Variants in ADAMTSL1 observed in about 807,000 individuals in gnomAD.
ADAMTSL1 encodes the protein ADAMTS-like protein 1.
In ADAMTSL1, 126 loss-of-function variants were observed where a neutral mutation model predicts 201.8. The ratio of observed to expected loss-of-function variants is 0.62; its 90% CI spans 0.54 to 0.72. The LOEUF (loss-of-function observed/expected upper bound fraction) is 0.72. Among genes scored for constraint, ADAMTSL1 ranks in the 30% least tolerant of loss-of-function variants. The pLI is 0.00. For missense variants in ADAMTSL1, 2,679 were observed against 2,277.8 expected (o/e 1.18, Z -3.59); for synonymous variants, 1,121 against 903.4 (o/e 1.24, Z -4.32).
intron 2 of ADAMTSL1, among the ~76,000 whole-genome samples, chr9:18,248,221 G>T (rs1831335526): frequency 6.6e-6 from 1 of 152,154 alleles, no homozygotes. Flanking sequence ...CTGTATGGCA[G>T]TGCAACATGA....
At chr9:18,742,831 A>G (rs1818918187) in intron 15 of ADAMTSL1, among the ~76,000 whole-genome samples, 1 of 152,216 alleles carries the variant, frequency 6.6e-6, no homozygotes, top group South Asian at 2.1e-4. Flanking sequence ...ACAAACTGCA[A>G]TAAAACCCAA....
chr9:18,855,526 T>C (rs775680838), intron 23 of ADAMTSL1, among the ~76,000 whole-genome samples: 1 of 152,132 alleles, frequency 6.6e-6, no homozygotes, highest in Non-Finnish European at 1.5e-5. Flanking sequence ...ATAACAATAA[T>C]TGTATTCGTG....
At position 18,391,239 on chromosome 9, in the gene ADAMTSL1, T is replaced by A. The variant is rs544665102; in HGVS notation, c.208-113590T>A. The stretch of plus-strand genomic sequence containing the variant: ...TTTTCCTATAAAAACTGTGATATTT[T>A]AAAATCTACTTTCTTGGCCTTTTCA... On this transcript the variant is annotated intron_variant, in intron 2 of 29. Transcript: ENST00000680146. Among the ~76,000 whole-genome samples, 151 of 152,366 alleles carry A rather than the reference T, an allele frequency of 9.9e-4. No homozygotes were observed. In the South Asian group the frequency reaches 0.03, roughly 30 times the overall value.
At chr9:18,315,761 C>G (rs1357388135) in intron 2 of ADAMTSL1, among the ~76,000 whole-genome samples, 1 of 152,224 alleles carries the variant, frequency 6.6e-6, no homozygotes, top group Non-Finnish European at 1.5e-5. Context: ...CTCAGCCAAC[C>G]TAGAGAGGGG....
intron 2 of ADAMTSL1, among the ~76,000 whole-genome samples, chr9:18,333,926 G>C (rs1835129909): frequency 6.6e-6 from 1 of 152,138 alleles, no homozygotes; most frequent in Non-Finnish European, 1.5e-5. Context: ...TACAGGGTCT[G>C]TCCAGATCTT....
chr9:17,962,885 A>C (rs1038150733), intron 1 of ADAMTSL1, among the ~76,000 whole-genome samples: 1 of 152,224 alleles, frequency 6.6e-6, no homozygotes, highest in African/African-American at 2.4e-5. Flanking sequence ...CTTGTTGCCA[A>C]GTTTCCTGGT....
At chr9:18,759,903 G>A (rs1357004646) in intron 16 of ADAMTSL1, among the ~76,000 whole-genome samples, 1 of 152,164 alleles carries the variant, frequency 6.6e-6, no homozygotes, top group African/African-American at 2.4e-5. Flanking sequence ...ATTATGTTTA[G>A]TAAGTGAGAT....
At chr9:18,906,934 C>A (rs765164055) in intron 28 of ADAMTSL1, 22 bp downstream of exon 28, 1 of 1,613,332 alleles carries the variant, frequency 6.2e-7, no homozygotes, top group Non-Finnish European at 8.5e-7. Context: ...CCCCAAAGAA[C>A]CTTCTGCAAA....
chr9:18,888,942 C>G (rs1829068338), intron 24 of ADAMTSL1, among the ~76,000 whole-genome samples: 1 of 152,172 alleles, frequency 6.6e-6, no homozygotes, highest in African/African-American at 2.4e-5. Flanking sequence ...AAACCAGAAG[C>G]CAGGGCCTAT....
chr9:18,562,944 T>C (rs982684664), intron 3 of ADAMTSL1, among the ~76,000 whole-genome samples: 1 of 152,218 alleles, frequency 6.6e-6, no homozygotes, highest in African/African-American at 2.4e-5. Flanking sequence ...CTTAGCTTCC[T>C]TGCATTGGGT....
chr9:18,281,705 T>C (rs1256871574), intron 2 of ADAMTSL1, among the ~76,000 whole-genome samples: 1 of 152,200 alleles, frequency 6.6e-6, no homozygotes, highest in Non-Finnish European at 1.5e-5. Flanking sequence ...GGACCATTGT[T>C]TGTGTCCATG....
At chr9:18,782,190 T>C (rs1208872007) in intron 19 of ADAMTSL1, among the ~76,000 whole-genome samples, 3 of 152,228 alleles carry the variant, frequency 2.0e-5, no homozygotes, top group Non-Finnish European at 4.4e-5. Context: ...AAATTCAAAG[T>C]CCAGTTTGGG....
At chr9:18,526,286 G>T (rs116503809) in intron 2 of ADAMTSL1, among the ~76,000 whole-genome samples, 1 of 152,088 alleles carries the variant, frequency 6.6e-6, no homozygotes, top group African/African-American at 2.4e-5. Flanking sequence ...TTTTCCATTT[G>T]CCGCGTAGAT....
chr9:18,210,234 T>G (rs905805960), intron 2 of ADAMTSL1, among the ~76,000 whole-genome samples: 2 of 151,386 alleles, frequency 1.3e-5, no homozygotes, highest in Non-Finnish European at 2.9e-5. Flanking sequence ...ATATAAAGTA[T>G]AAATATAAAA....
chr9:18,141,627 G>C (rs1421861999), intron 1 of ADAMTSL1, among the ~76,000 whole-genome samples: 1 of 152,122 alleles, frequency 6.6e-6, no homozygotes, highest in Non-Finnish European at 1.5e-5. Context: ...TCACAAGGTT[G>C]GTGGCCTGCT....
At chr9:18,596,303 A>T (rs1031373731) in intron 4 of ADAMTSL1, among the ~76,000 whole-genome samples, 5 of 152,172 alleles carry the variant, frequency 3.3e-5, no homozygotes, top group Non-Finnish European at 7.3e-5. Context: ...AATCAGCAGT[A>T]CGTGGTGTGG....
intron 2 of ADAMTSL1, among the ~76,000 whole-genome samples, chr9:18,530,466 C>T (rs756867093): frequency 6.6e-6 from 1 of 152,058 alleles, no homozygotes; most frequent in Non-Finnish European, 1.5e-5. Flanking sequence ...CAGTGGTTCC[C>T]CTTTGTGTAT....
At chr9:18,844,168 A>G (rs1408801217) in intron 23 of ADAMTSL1, among the ~76,000 whole-genome samples, 1 of 151,772 alleles carries the variant, frequency 6.6e-6, no homozygotes, top group Non-Finnish European at 1.5e-5. Flanking sequence ...TTGTGGTTTT[A>G]TCTACTTTTG....
chr9:18,160,778 C>T (rs1054664974), intron 1 of ADAMTSL1, among the ~76,000 whole-genome samples: 8 of 151,224 alleles, frequency 5.3e-5, no homozygotes, highest in African/African-American at 1.9e-4. Flanking sequence ...CTGCCAGGCT[C>T]AAGCAATCCT....
Sources: allele counts gnomAD v4.1 joint callset (sites outside exome capture counted in the v4.1 genomes callset), GRCh38; gene constraint gnomAD v4.1.1; transcripts MANE v1.5; gene names NCBI Gene and HGNC (gene_info 2026-07-23, HGNC 2026-07-21).